LTA4H: variants seen among roughly 807,000 people sequenced by gnomAD.
LTA4H encodes the protein leukotriene A-4 hydrolase.
Under a neutral mutation model 89.8 loss-of-function variants are expected in LTA4H, and 59 were observed. The observed-to-expected ratio is 0.66, with a 90% confidence interval of 0.53 to 0.82. LTA4H has a LOEUF of 0.82. LTA4H is among the 40% of genes least tolerant of loss of function. The pLI is 0.00. For missense variants in LTA4H, 617 were observed against 727.0 expected (o/e 0.85, Z 1.74); for synonymous variants, 227 against 253.1 (o/e 0.90, Z 0.98).
At chr12:96,012,302 C>T (rs575702655) in intron 14 of LTA4H, 2 of 152,234 alleles carry the variant, frequency 1.3e-5, no homozygotes, top group Non-Finnish European at 2.9e-5. Flanking sequence ...TTTTGGTGAT[C>T]CAAAAGAAAG....
chr12:96,041,247 G>A (rs1950684171), intron 1 of LTA4H, among the ~76,000 whole-genome samples: 2 of 151,970 alleles, frequency 1.3e-5, no homozygotes, highest in Admixed American at 6.6e-5. Context: ...CTCATTTCTT[G>A]TATAAGTTCA....
chr12:96,034,675 T>G (rs1365449106), intron 1 of LTA4H, among the ~76,000 whole-genome samples: 1 of 152,116 alleles, frequency 6.6e-6, no homozygotes, highest in Admixed American at 6.5e-5. Context: ...AGTTTCAAAG[T>G]AGGGCGGAAA....
intron 6 of LTA4H, among the ~76,000 whole-genome samples, chr12:96,019,868 G>A (rs1450955068): frequency 6.6e-6 from 1 of 150,386 alleles, no homozygotes; most frequent in Non-Finnish European, 1.5e-5. Context: ...CCAAATTGCT[G>A]GGATTACAGG....
Position 96,022,474 on chromosome 12 carries a change from T to C in LTA4H, c.481-223A>G, listed in dbSNP as rs1304506872. 6.6e-6 allele frequency among the ~76,000 whole-genome samples: 1 copy of C among 152,090 alleles called. No homozygotes were observed. The highest frequency in any genetic ancestry group is 2.4e-5 in the African/African-American group (1 of 41,402). On this transcript the variant is annotated intron_variant, in intron 4 of 18. Transcript: ENST00000228740. This position sits in a 1 kb window ranked among gnomAD's most constrained non-coding sequence, Gnocchi z 4.0. ...ATATGCACACATATATATGTGTATA[T>C]ATATAAAACACATATACAAAAAGTA... is the stretch of plus-strand genomic sequence containing the variant.
intron 6 of LTA4H, chr12:96,020,794 G>T: frequency 3.8e-6 from 1 of 265,802 alleles, no homozygotes; most frequent in Middle Eastern, 4.0e-4. Flanking sequence ...TAATTTCAAG[G>T]ATAAGGAAAC....
At chr12:96,002,212 T>C (rs1171958310) in intron 18 of LTA4H, among the ~76,000 whole-genome samples, 1 of 152,202 alleles carries the variant, frequency 6.6e-6, no homozygotes, top group Non-Finnish European at 1.5e-5. Context: ...AATTCAAAGC[T>C]AGATGGGTTT....
exon 1 of LTA4H, chr12:96,043,440 T>A (rs1053660335): frequency 2.1e-6 from 2 of 958,556 alleles, no homozygotes; most frequent in Non-Finnish European, 3.2e-6. Flanking sequence ...CCATGCATCC[T>A]CTTGCCCTCT....
intron 1 of LTA4H, among the ~76,000 whole-genome samples, chr12:96,029,869 T>C (rs1363508634): frequency 6.6e-6 from 1 of 152,206 alleles, no homozygotes; most frequent in African/African-American, 2.4e-5. Context: ...AACCTTCCTA[T>C]GCCACAAGAC....
At chr12:96,004,436 G>T (rs868273962) in intron 16 of LTA4H, among the ~76,000 whole-genome samples, 5 of 151,882 alleles carry the variant, frequency 3.3e-5, no homozygotes, top group Admixed American at 6.6e-5. Flanking sequence ...GAATAATGTG[G>T]ACTCTTTCCC....
At chr12:96,035,210 G>T in intron 1 of LTA4H, 151 bp downstream of exon 1, 1 of 756,214 alleles carries the variant, frequency 1.3e-6, no homozygotes, top group Non-Finnish European at 2.1e-6. Context: ...CACAACATGA[G>T]TTGGATGGAG....
upstream of LTA4H, among the ~76,000 whole-genome samples, chr12:96,037,658 G>A (rs1372481729): frequency 1.3e-5 from 2 of 151,940 alleles, no homozygotes; most frequent in Non-Finnish European, 2.9e-5. Context: ...GGAAGATAAA[G>A]GGGAAGCTAG....
upstream of LTA4H, among the ~76,000 whole-genome samples, chr12:96,036,083 C>T (rs996131371): frequency 9.9e-5 from 15 of 151,872 alleles, no homozygotes; most frequent in African/African-American, 2.2e-4. Flanking sequence ...TTCGATTCCC[C>T]GACGGGGAGG....
intron 16 of LTA4H, 91 bp downstream of exon 16, chr12:96,006,223 C>T: frequency 4.5e-6 from 3 of 662,962 alleles, no homozygotes; most frequent in South Asian, 2.2e-5. Flanking sequence ...CATTAGTTTC[C>T]ACATTAATAA....
intron 6 of LTA4H, chr12:96,020,599 A>G (rs538767220): frequency 6.3e-6 from 1 of 158,474 alleles, no homozygotes; most frequent in Non-Finnish European, 1.4e-5. Flanking sequence ...CCGCACACTT[A>G]AAAACAGTTA....
intron 2 of LTA4H, among the ~76,000 whole-genome samples, chr12:96,028,420 G>A (rs570954868): frequency 7.2e-5 from 11 of 152,232 alleles, no homozygotes; most frequent in Admixed American, 5.9e-4. Flanking sequence ...CTGAACAACT[G>A]GGGTAGATCA....
intron 18 of LTA4H, among the ~76,000 whole-genome samples, chr12:96,002,428 A>AT (rs148473181): frequency 0.034 from 5,124 of 151,730 alleles, 285 homozygotes; most frequent in African/African-American, 0.11. Context: ...TTATGGCATG[A>AT]TTTTTTTTTC....
intron 1 of LTA4H, 38 bp from the exon 2 acceptor site, chr12:96,029,223 C>G: frequency 8.0e-7 from 1 of 1,256,396 alleles, no homozygotes; most frequent in Non-Finnish European, 1.1e-6. Flanking sequence ...AAAATAGTTT[C>G]ATTTACCAGA....
At chr12:96,020,867 G>C in intron 6 of LTA4H, 1 of 463,958 alleles carries the variant, frequency 2.2e-6, no homozygotes, top group Non-Finnish European at 3.8e-6. Flanking sequence ...GTAAGAGCAT[G>C]CTCATTTTAC....
In LTA4H at chr12:96,021,119, G is replaced by T; in HGVS notation, c.604C>A (p.Leu202Met). 6.3e-7 allele frequency: 1 copy of T among 1,598,970 alleles called. No homozygotes were observed. The highest frequency in any genetic ancestry group is 8.5e-7 in the Non-Finnish European group (1 of 1,175,646). Reference sequence around the variant, plus strand: ...AAAGCTCCAACAACTAAAGCAATCAGGTAGCAGGGTATTGGAACCTAAAGA... The same window carrying T: ...AAAGCTCCAACAACTAAAGCAATCATGTAGCAGGGTATTGGAACCTAAAGA... ...FIQKVPIPCYLIALVVGALES... is the reference protein window; with the variant it reads ...FIQKVPIPCYMIALVVGALES... Residue 202 changes from leucine (L) to methionine (M), a missense_variant, in exon 6 of 19, where the codon CTG (leucine) becomes ATG (methionine). By Grantham distance (15) the Leu-to-Met change is conservative (BLOSUM62 2). Coordinates refer to ENST00000228740, the MANE Select transcript of LTA4H (RefSeq NM_000895.3).
Sources: gnomAD v4.1 joint callset for allele counts (sites outside exome capture counted in the v4.1 genomes callset) on GRCh38, gnomAD v4.1.1 for gene constraint, Gnocchi (gnomAD v3.1) non-coding constraint, MANE v1.5 for transcripts, NCBI Gene and HGNC (gene_info 2026-07-23, HGNC 2026-07-21) for gene names.